The following PLSCR2 variants were observed in gnomAD, a reference collection of about 807,000 sequenced individuals.
PLSCR2 encodes phospholipid scramblase 2, also known as PL scramblase 2.
Under a neutral mutation model 25.3 loss-of-function variants are expected in PLSCR2, and 18 were observed. The observed-to-expected ratio is 0.71, with a 90% confidence interval of 0.49 to 1.06. The LOEUF is 1.06. Among genes scored for constraint, PLSCR2 ranks in the 50% least tolerant of loss-of-function variants. PLSCR2 has a pLI of 0.00. For synonymous variants in PLSCR2, 88 were observed against 87.3 expected (o/e 1.01, Z -0.04); for missense variants, 243 against 269.5 (o/e 0.90, Z 0.69).
At chr3:146,462,506 C>T (rs1280241492), upstream of PLSCR2, among the ~76,000 whole-genome samples, 1 of 150,520 alleles carries the variant, frequency 6.6e-6, no homozygotes, top group Non-Finnish European at 1.5e-5. Context: ...CCTCTGTCAC[C>T]AAGCTGGAGT....
intron 1 of PLSCR2, among the ~76,000 whole-genome samples, chr3:146,470,282 C>G (rs567236712): frequency 2.0e-5 from 3 of 152,034 alleles, no homozygotes; most frequent in African/African-American, 7.2e-5. Flanking sequence ...TTTATTTACA[C>G]GCCTGAAACC....
Position 146,489,484 on chromosome 3 carries a change from A to G in PLSCR2, c.-293+6411T>C, listed in dbSNP as rs151227944. Among the ~76,000 whole-genome samples the G allele has an allele frequency of 2.6e-4, 40 of 152,236 alleles. No individual in the cohort carries two copies. The East Asian group carries it at 6.8e-3, about 26-fold the overall frequency. On this transcript the variant is annotated intron_variant, in intron 1 of 8. Coordinates refer to the PLSCR2 transcript ENST00000336685. ...GCAATTCTTAGAGGATAAAAATTTT[A>G]GAGAGGTCCAATCATGTTCTGTTCC...
intron 1 of PLSCR2, among the ~76,000 whole-genome samples, chr3:146,469,970 C>T (rs574946608): frequency 2.0e-5 from 3 of 152,138 alleles, no homozygotes; most frequent in Non-Finnish European, 4.4e-5. Context: ...TGGCCTACCC[C>T]GGGAACTTCC....
chr3:146,444,814 A>G (rs2040452233), intron 6 of PLSCR2, among the ~76,000 whole-genome samples: 1 of 151,670 alleles, frequency 6.6e-6, no homozygotes, highest in Admixed American at 6.6e-5. Flanking sequence ...TTTTCTGGTT[A>G]TTTTTGTGAT....
At chr3:146,411,778 T>G (rs2038860895) in intron 2 of PLSCR2, among the ~76,000 whole-genome samples, 1 of 152,166 alleles carries the variant, frequency 6.6e-6, no homozygotes. Flanking sequence ...TTAAAACAAT[T>G]TTACAGAAAT....
At chr3:146,476,441 C>G (rs1044237843) in intron 1 of PLSCR2, among the ~76,000 whole-genome samples, 4 of 152,246 alleles carry the variant, frequency 2.6e-5, no homozygotes, top group Non-Finnish European at 5.9e-5. Flanking sequence ...CCTTGGGTCC[C>G]AACCGCAGAG....
intron 1 of PLSCR2, among the ~76,000 whole-genome samples, chr3:146,490,869 G>C (rs1343522349): frequency 6.6e-6 from 1 of 152,056 alleles, no homozygotes; most frequent in Non-Finnish European, 1.5e-5. Flanking sequence ...ATCGATATGT[G>C]AGAATTTGAT....
intron 1 of PLSCR2, among the ~76,000 whole-genome samples, chr3:146,488,985 C>A (rs937107470): frequency 6.6e-6 from 1 of 152,070 alleles, no homozygotes; most frequent in Non-Finnish European, 1.5e-5. Flanking sequence ...TACTACGCAG[C>A]CATAAAAAGG....
chr3:146,397,110 C>T (rs918950223), intron 2 of PLSCR2, among the ~76,000 whole-genome samples: 1 of 152,030 alleles, frequency 6.6e-6, no homozygotes, highest in Non-Finnish European at 1.5e-5. Context: ...TGTTGTATCT[C>T]CATACTTTCT....
intron 2 of PLSCR2, among the ~76,000 whole-genome samples, chr3:146,402,315 T>A (rs2038501908): frequency 6.6e-6 from 1 of 152,162 alleles, no homozygotes; most frequent in Non-Finnish European, 1.5e-5. Context: ...AATGATTTTT[T>A]AAAAACTCTA....
chr3:146,393,183 C>T, intron 3 of PLSCR2, among the ~76,000 whole-genome samples: 1 of 127,252 alleles, frequency 7.9e-6, no homozygotes, highest in Admixed American at 8.4e-5. Flanking sequence ...CGCCCACCAC[C>T]ACGCCCAACT....
At chr3:146,470,559 A>G (rs945281995) in intron 1 of PLSCR2, among the ~76,000 whole-genome samples, 3 of 152,156 alleles carry the variant, frequency 2.0e-5, no homozygotes, top group African/African-American at 7.2e-5. Flanking sequence ...ACAAACAAAC[A>G]AAAACACATG....
intron 2 of PLSCR2, among the ~76,000 whole-genome samples, chr3:146,414,111 T>C (rs1158226379): frequency 2.6e-5 from 4 of 152,060 alleles, no homozygotes; most frequent in Non-Finnish European, 5.9e-5. Context: ...AGGAAGGAGA[T>C]CAGATGCATC....
chr3:146,421,591 T>C (rs1290819496), intron 2 of PLSCR2, among the ~76,000 whole-genome samples: 1 of 152,116 alleles, frequency 6.6e-6, no homozygotes. Context: ...GTCCTCTGTC[T>C]GGCCCACAAC....
chr3:146,426,504 A>G (rs1455263615), intron 2 of PLSCR2, among the ~76,000 whole-genome samples: 2 of 152,132 alleles, frequency 1.3e-5, no homozygotes, highest in African/African-American at 4.8e-5. Flanking sequence ...CCTACCCATG[A>G]TCCCCAAATT....
At chr3:146,392,850 C>CTTTT (rs66802856) in intron 3 of PLSCR2, among the ~76,000 whole-genome samples, 3 of 141,258 alleles carry the variant, frequency 2.1e-5, no homozygotes, top group South Asian at 4.4e-4. Flanking sequence ...TGGGTTTATT[C>CTTTT]TTTTTTTTTT....
At chr3:146,460,151 C>A in intron 1 of PLSCR2, 68 bp from the exon 2 acceptor site, 1 of 1,379,394 alleles carries the variant, frequency 7.2e-7, no homozygotes, top group African/African-American at 1.4e-5. Context: ...TTAGAATAAC[C>A]CCAGTTATCT....
chr3:146,463,283 TCTC>T (rs2041706282), upstream of PLSCR2, among the ~76,000 whole-genome samples: 1 of 151,978 alleles, frequency 6.6e-6, no homozygotes, highest in Non-Finnish European at 1.5e-5. Flanking sequence ...TTCACGCCAT[TCTC>T]CTGTCTCGGA....
chr3:146,431,422 C>T (rs775094790), downstream of PLSCR2, among the ~76,000 whole-genome samples: 3 of 152,212 alleles, frequency 2.0e-5, no homozygotes, highest in Non-Finnish European at 4.4e-5. Flanking sequence ...TTAGCCAGCA[C>T]TGGCCTCTTA....
Sources: gnomAD v4.1 joint callset for allele counts (sites outside exome capture counted in the v4.1 genomes callset) on GRCh38, gnomAD v4.1.1 for gene constraint, MANE v1.5 for transcripts, NCBI Gene and HGNC (gene_info 2026-07-23, HGNC 2026-07-21) for gene names.